The following WWOX variants were observed in gnomAD, a reference collection of about 807,000 sequenced individuals.
WWOX encodes WW domain-containing oxidoreductase.
WWOX carries 69 observed loss-of-function variants against 46.2 expected under a neutral mutation model. That is an observed-to-expected ratio of 1.49 (90% CI 1.23 to 1.82). WWOX has a LOEUF of 1.82. WWOX is among the 40% of genes most tolerant of loss of function. The pLI, the probability that WWOX is intolerant of heterozygous loss-of-function variation, is 0.00. For missense variants in WWOX, 919 were observed against 542.6 expected, an observed-to-expected ratio of 1.69 and a Z score of -6.89; for synonymous variants, 359 against 202.6, an observed-to-expected ratio of 1.77 and a Z score of -6.56.
At chr16:78,713,067 C>T (rs1057019080) in intron 8 of WWOX, among the ~76,000 whole-genome samples, 4 of 151,662 alleles carry the variant, frequency 2.6e-5, no homozygotes, top group South Asian at 2.1e-4. Context: ...CCCAGGAGAT[C>T]GAGACCAGCC....
rs551212874 is a variant in WWOX at position 78,129,772 on chromosome 16, A to G, written c.409+14618A>G. On this transcript the variant is annotated intron_variant, in intron 4 of 8. Transcript: ENST00000566780. ...ATCAGGATATTTTACTTAAATGTAG[A>G]TTTATGACAGTTTTGAAAAATCAGA... Among the ~76,000 whole-genome samples the G allele has an allele frequency of 2.6e-5, 4 of 151,822 alleles. No individual in the cohort carries two copies. In the South Asian group the frequency reaches 6.2e-4, roughly 24 times the overall value.
intron 8 of WWOX, among the ~76,000 whole-genome samples, chr16:78,472,791 A>G (rs985760774): frequency 2.8e-5 from 4 of 144,738 alleles, no homozygotes; most frequent in Admixed American, 1.4e-4. Flanking sequence ...CCTGGGCGAC[A>G]AGAGTGAAAC....
intron 8 of WWOX, among the ~76,000 whole-genome samples, chr16:79,008,330 C>G (rs1051105700): frequency 1.3e-5 from 2 of 152,138 alleles, no homozygotes; most frequent in Non-Finnish European, 2.9e-5. Context: ...AAGGGCCTAG[C>G]GATTAGATCA....
intron 6 of WWOX, among the ~76,000 whole-genome samples, chr16:78,406,319 T>A (rs1404119301): frequency 6.4e-5 from 5 of 77,576 alleles, no homozygotes; most frequent in East Asian, 6.3e-4. Flanking sequence ...TATATATATA[T>A]ATATATATAT....
chr16:78,276,754 C>G (rs2079585936), intron 5 of WWOX, among the ~76,000 whole-genome samples: 1 of 152,190 alleles, frequency 6.6e-6, no homozygotes, highest in South Asian at 2.1e-4. Flanking sequence ...CCACCCACAC[C>G]TGGCAATTTG....
intron 8 of WWOX, among the ~76,000 whole-genome samples, chr16:78,762,610 G>T (rs1427589072): frequency 6.6e-6 from 1 of 152,188 alleles, no homozygotes. Context: ...GGGGGCTCGG[G>T]GCACAGAGGA....
At chr16:78,563,158 G>A (rs754934921) in intron 8 of WWOX, among the ~76,000 whole-genome samples, 10 of 152,136 alleles carry the variant, frequency 6.6e-5, no homozygotes, top group Non-Finnish European at 1.3e-4. Flanking sequence ...TCTCCAAAAG[G>A]ATGTCTGCAA....
At chr16:78,646,356 G>A (rs1274297689) in intron 8 of WWOX, among the ~76,000 whole-genome samples, 1 of 152,098 alleles carries the variant, frequency 6.6e-6, no homozygotes, top group Non-Finnish European at 1.5e-5. Flanking sequence ...CCTAACTAAA[G>A]AAAGTAAGGT....
chr16:78,622,865 A>C (rs917990040), intron 8 of WWOX, among the ~76,000 whole-genome samples: 1 of 152,190 alleles, frequency 6.6e-6, no homozygotes, highest in Non-Finnish European at 1.5e-5. Flanking sequence ...TAGTAAGGGG[A>C]AAATCCCTTA....
At chr16:78,481,724 AGTGT>A (rs67780639) in intron 8 of WWOX, among the ~76,000 whole-genome samples, 1,534 of 137,026 alleles carry the variant, frequency 0.011, 27 homozygotes, top group African/African-American at 0.032. Flanking sequence ...GGGCAAGGGA[AGTGT>A]GTGTGTGTGT....
intron 8 of WWOX, among the ~76,000 whole-genome samples, chr16:78,852,594 C>G (rs959310382): frequency 6.6e-6 from 1 of 152,164 alleles, no homozygotes; most frequent in Non-Finnish European, 1.5e-5. Flanking sequence ...GTCAAATCAG[C>G]TAGCTAAGCT....
chr16:78,332,893 A>G (rs1399559718), intron 5 of WWOX, among the ~76,000 whole-genome samples: 2 of 152,138 alleles, frequency 1.3e-5, no homozygotes, highest in African/African-American at 4.8e-5. Context: ...TTGCAATGCA[A>G]ACTAAGATGT....
At chr16:78,876,649 C>T (rs752168192) in intron 8 of WWOX, among the ~76,000 whole-genome samples, 7 of 152,186 alleles carry the variant, frequency 4.6e-5, no homozygotes, top group Middle Eastern at 3.4e-3. Flanking sequence ...CTCTAAAAGG[C>T]AGAAGTTCTG....
At chr16:79,132,646 A>T (rs1007911043) in intron 8 of WWOX, among the ~76,000 whole-genome samples, 4 of 152,140 alleles carry the variant, frequency 2.6e-5, no homozygotes, top group Non-Finnish European at 5.9e-5. Flanking sequence ...AAACAAGAAT[A>T]AATCCCTTAG....
chr16:78,999,291 A>G lies in WWOX; in HGVS notation c.1057-212317A>G, dbSNP rs944106079. Among the ~76,000 whole-genome samples, 6 of 152,072 alleles carry G rather than the reference A, an allele frequency of 3.9e-5. No individual in the cohort carries two copies. The East Asian group carries it at 1.2e-3, about 29-fold the overall frequency. On this transcript the variant is annotated intron_variant, in intron 8 of 8. Transcript: ENST00000566780. Reference sequence around the variant, plus strand: ...TTCGAGACCAGCCTGACCAACATGGAGAAACCCCGTCTCTACTAAAAATAC... The same window carrying G: ...TTCGAGACCAGCCTGACCAACATGGGGAAACCCCGTCTCTACTAAAAATAC...
intron 8 of WWOX, among the ~76,000 whole-genome samples, chr16:78,633,256 C>T (rs2046483256): frequency 6.6e-6 from 1 of 152,110 alleles, no homozygotes; most frequent in African/African-American, 2.4e-5. Flanking sequence ...AGCAAGATTC[C>T]ATCTCAAAAC....
chr16:78,415,483 C>A (rs999120877), intron 6 of WWOX, among the ~76,000 whole-genome samples: 1 of 152,046 alleles, frequency 6.6e-6, no homozygotes, highest in Non-Finnish European at 1.5e-5. Context: ...GGAATGCAGC[C>A]CAGTAGGTCT....
At chr16:78,524,263 G>C (rs2043409751) in intron 8 of WWOX, among the ~76,000 whole-genome samples, 1 of 152,148 alleles carries the variant, frequency 6.6e-6, no homozygotes, top group African/African-American at 2.4e-5. Flanking sequence ...ATTAGAAGCA[G>C]ACACAGCCAT....
intron 8 of WWOX, among the ~76,000 whole-genome samples, chr16:78,970,245 CAGTT>C (rs1175770210): frequency 6.6e-6 from 1 of 152,172 alleles, no homozygotes; most frequent in African/African-American, 2.4e-5. Context: ...TGTTGGCTCT[CAGTT>C]AGAGACTCAG....
Sources: gnomAD v4.1 joint callset for allele counts (sites outside exome capture counted in the v4.1 genomes callset) on GRCh38, gnomAD v4.1.1 for gene constraint, MANE v1.5 for transcripts, NCBI Gene and HGNC (gene_info 2026-07-23, HGNC 2026-07-21) for gene names.